PTPDC1: variants seen among roughly 807,000 people sequenced by gnomAD.
The protein encoded by PTPDC1 is protein tyrosine phosphatase domain containing 1.
Under a neutral mutation model 75.3 loss-of-function variants are expected in PTPDC1, and 53 were observed. The ratio of observed to expected loss-of-function variants is 0.70; its 90% CI spans 0.56 to 0.88. PTPDC1 has a LOEUF of 0.88. PTPDC1 is among the 40% of genes least tolerant of loss of function. The probability of loss-of-function intolerance (pLI) is 0.00; values close to 1 mark genes in which losing one functional copy is unlikely to be tolerated. For missense variants in PTPDC1, 925 were observed against 998.6 expected (o/e 0.93, Z 0.99); for synonymous variants, 349 against 366.2 (o/e 0.95, Z 0.54).
At chr9:94,053,848 G>A (rs1327906679) in intron 1 of PTPDC1, among the ~76,000 whole-genome samples, 1 of 152,276 alleles carries the variant, frequency 6.6e-6, no homozygotes, top group Admixed American at 6.5e-5. Context: ...GTGTAGTGCC[G>A]CCACATAATT....
At chr9:94,050,791 G>A (rs1021898793) in intron 1 of PTPDC1, among the ~76,000 whole-genome samples, 3 of 152,172 alleles carry the variant, frequency 2.0e-5, no homozygotes, top group Non-Finnish European at 4.4e-5. Context: ...CTTTTGTTTG[G>A]CTATGCCCTG....
intron 2 of PTPDC1, among the ~76,000 whole-genome samples, chr9:94,067,126 A>G (rs1394428080): frequency 6.6e-6 from 1 of 152,098 alleles, no homozygotes; most frequent in Non-Finnish European, 1.5e-5. Flanking sequence ...GCGGTAGCTC[A>G]CGCCTGTAAT....
Position 94,085,358 on chromosome 9 carries a change from A to G in PTPDC1, c.352A>G (p.Lys118Glu). ...CSMACGGRAC[K>E]YENPARWSEQ... ...CATGGCGTGTGGCGGTAGAGCTTGC[A>G]AGTATGAGAACCCAGCCCGCTGGAG... Residue 118 changes from lysine to glutamate, a missense_variant, in exon 2 of 9, where the codon AAG becomes GAG. Transcript: ENST00000620992. 6.2e-7 allele frequency: 1 copy of G among 1,614,216 alleles called. No homozygotes were observed. Among genetic ancestry groups the G allele is most frequent in the Non-Finnish European group, 8.5e-7 (1 of 1,180,046 alleles).
chr9:94,033,596 C>T (rs1829767845), intron 1 of PTPDC1, among the ~76,000 whole-genome samples: 1 of 152,176 alleles, frequency 6.6e-6, no homozygotes, highest in East Asian at 1.9e-4. Flanking sequence ...GGGGACAGTG[C>T]CTCCAGGGTT....
At chr9:94,076,156 G>T (rs1247735889) in intron 2 of PTPDC1, among the ~76,000 whole-genome samples, 1 of 151,946 alleles carries the variant, frequency 6.6e-6, no homozygotes, top group Non-Finnish European at 1.5e-5. Flanking sequence ...GCATGCTACC[G>T]CACCCAGCTA....
At chr9:94,053,299 G>GA (rs1227894169) in intron 1 of PTPDC1, among the ~76,000 whole-genome samples, 2 of 150,830 alleles carry the variant, frequency 1.3e-5, no homozygotes, top group East Asian at 3.9e-4. Context: ...TGAGGGGTCT[G>GA]AAAAAAGAAA....
intron 1 of PTPDC1, among the ~76,000 whole-genome samples, chr9:94,036,555 T>C (rs1825276049): frequency 6.6e-6 from 1 of 152,206 alleles, no homozygotes; most frequent in Non-Finnish European, 1.5e-5. Flanking sequence ...ACCTAACCAT[T>C]GTGTTCTTGG....
At position 94,097,656 on chromosome 9, in the gene PTPDC1, G is replaced by A. The variant is rs772819231; in HGVS notation, c.1090G>A (p.Val364Met). The A allele has an allele frequency of 2.7e-5, 43 of 1,614,006 alleles. No individual in the cohort carries two copies. The highest frequency in any genetic ancestry group is 3.2e-5 in the Non-Finnish European group (38 of 1,180,046). Reference protein sequence around the residue: ...AENRPVMMKDVSEGPGLSAEI... With the variant: ...AENRPVMMKDMSEGPGLSAEI... The stretch of plus-strand genomic sequence containing the variant: ...GAACAGGCCAGTGATGATGAAGGAT[G>A]TGTCCGAAGGACCTGGTCTCTCTGC... Residue 364 changes from valine (V) to methionine (M), a missense_variant, in exon 6 of 9, where the codon GTG (valine) becomes ATG (methionine). Val to Met is a conservative substitution (Grantham distance 21). Coordinates refer to ENST00000620992, the MANE Select transcript of PTPDC1 (RefSeq NM_001253829.2).
upstream of PTPDC1, among the ~76,000 whole-genome samples, chr9:94,080,803 G>A (rs576698169): frequency 4.6e-5 from 7 of 152,292 alleles, no homozygotes; most frequent in Non-Finnish European, 1.0e-4. Flanking sequence ...AGTAATCAGT[G>A]AAGCTTGAAT....
At chr9:94,082,148 A>G (rs1291919830), upstream of PTPDC1, among the ~76,000 whole-genome samples, 1 of 152,244 alleles carries the variant, frequency 6.6e-6, no homozygotes, top group Non-Finnish European at 1.5e-5. Context: ...GAGCTGTCTA[A>G]CAGTGGAATA....
At chr9:94,052,730 G>C (rs1293279885) in intron 1 of PTPDC1, among the ~76,000 whole-genome samples, 1 of 152,136 alleles carries the variant, frequency 6.6e-6, no homozygotes, top group Non-Finnish European at 1.5e-5. Context: ...ATTTTCAGTT[G>C]TTCCAGCACA....
chr9:94,098,663 T>C (rs763707445), intron 6 of PTPDC1, 84 bp downstream of exon 6: 21 of 1,165,120 alleles, frequency 1.8e-5, no homozygotes, highest in Non-Finnish European at 2.4e-5. Flanking sequence ...CCCAAACTTA[T>C]TTATTATAGA....
At chr9:94,089,167 G>A (rs1057167975) in intron 4 of PTPDC1, among the ~76,000 whole-genome samples, 3 of 144,544 alleles carry the variant, frequency 2.1e-5, no homozygotes, top group African/African-American at 7.7e-5. Context: ...CCATGCTGGT[G>A]CACTGCACCC....
intron 1 of PTPDC1, among the ~76,000 whole-genome samples, chr9:94,060,335 G>A (rs1826089087): frequency 6.6e-6 from 1 of 152,150 alleles, no homozygotes; most frequent in Non-Finnish European, 1.5e-5. Context: ...TGGAGAGTGT[G>A]CTCACATTTG....
chr9:94,067,484 AAC>A (rs1418375620), intron 2 of PTPDC1, among the ~76,000 whole-genome samples: 10 of 152,144 alleles, frequency 6.6e-5, no homozygotes, highest in African/African-American at 1.2e-4. Flanking sequence ...CAAATATCTA[AAC>A]AGTGTTCAAT....
intron 1 of PTPDC1, among the ~76,000 whole-genome samples, chr9:94,048,261 T>TTA (rs1825678701): frequency 6.6e-6 from 1 of 152,162 alleles, no homozygotes; most frequent in Non-Finnish European, 1.5e-5. Flanking sequence ...TGAATTTGTT[T>TTA]GTTCTTGCTT....
intron 1 of PTPDC1, among the ~76,000 whole-genome samples, chr9:94,045,560 A>C (rs1040638895): frequency 2.0e-5 from 3 of 151,920 alleles, no homozygotes; most frequent in Admixed American, 6.6e-5. Flanking sequence ...ATGGTATCTC[A>C]TTGTGGTTTT....
At chr9:94,062,638 T>G (rs1396894911) in intron 1 of PTPDC1, among the ~76,000 whole-genome samples, 1 of 151,028 alleles carries the variant, frequency 6.6e-6, no homozygotes, top group Admixed American at 6.6e-5. Flanking sequence ...GGCGGGGAGG[T>G]GCTACACACT....
intron 7 of PTPDC1, among the ~76,000 whole-genome samples, chr9:94,102,309 T>A (rs1446270052): frequency 6.6e-6 from 1 of 151,624 alleles, no homozygotes; most frequent in African/African-American, 2.4e-5. Flanking sequence ...CATGTATATA[T>A]AATTTTTATT....
Sources: gnomAD v4.1 joint callset for allele counts (sites outside exome capture counted in the v4.1 genomes callset) on GRCh38, gnomAD v4.1.1 for gene constraint, MANE v1.5 for transcripts, NCBI Gene and HGNC (gene_info 2026-07-23, HGNC 2026-07-21) for gene names.